The following FMO1 variants were observed in gnomAD, a reference collection of about 807,000 sequenced individuals.
The protein encoded by FMO1 is flavin-containing monooxygenase 1.
A neutral mutation model predicts 45.4 loss-of-function variants in FMO1; 36 were observed. That is an observed-to-expected ratio of 0.79 (90% CI 0.61 to 1.05). The LOEUF is 1.05. Among genes scored for constraint, FMO1 ranks in the 50% least tolerant of loss-of-function variants. The pLI is 0.00. For synonymous variants in FMO1, 228 were observed against 227.2 expected, an observed-to-expected ratio of 1.00 and a Z score of -0.03; for missense variants, 615 against 640.3, an observed-to-expected ratio of 0.96 and a Z score of 0.43.
intron 2 of FMO1, among the ~76,000 whole-genome samples, chr1:171,258,623 C>T (rs979927520): frequency 1.3e-5 from 2 of 152,216 alleles, no homozygotes; most frequent in African/African-American, 4.8e-5. Flanking sequence ...GCTGCTTTTA[C>T]CTGCTTCTTT....
At chr1:171,262,348 C>A (rs1033956851) in intron 2 of FMO1, among the ~76,000 whole-genome samples, 2 of 152,178 alleles carry the variant, frequency 1.3e-5, no homozygotes, top group Admixed American at 6.5e-5. Flanking sequence ...TAAAAGCACA[C>A]AGACATCATC....
chr1:171,284,125 CT>C (rs2101848927), intron 8 of FMO1, among the ~76,000 whole-genome samples: 1 of 148,362 alleles, frequency 6.7e-6, no homozygotes, highest in Non-Finnish European at 1.5e-5. Flanking sequence ...ATCTGTTCAT[CT>C]GTTTCTGCGT....
chr1:171,264,930 T>TCTCAGG (rs1455407272), intron 2 of FMO1, among the ~76,000 whole-genome samples: 1 of 150,598 alleles, frequency 6.6e-6, no homozygotes, highest in African/African-American at 2.4e-5. Context: ...AAATGCACAA[T>TCTCAGG]CTCAGGCTCA....
At position 171,282,345 on chromosome 1, in the gene FMO1, A is replaced by G. The variant is rs375134359; in HGVS notation, c.1183+12A>G. ...TCGAGTCCTGAAAGGTAAGTATAAG[A>G]AATAGCAGGGCATGTGTTTTTGGTG... On this transcript the variant is annotated intron_variant, in intron 7 of 8. Transcript: ENST00000617670. 205 of 1,562,808 alleles carry G rather than the reference A, an allele frequency of 1.3e-4. No individual in the cohort carries two copies. The highest frequency in any genetic ancestry group is 1.7e-4 in the Non-Finnish European group (191 of 1,141,060).
rs1193573986 is a variant in FMO1 at position 171,271,592 on chromosome 1, T to C, written c.322-3754T>C. 5 of 780,034 alleles carry C rather than the reference T, an allele frequency of 6.4e-6. No homozygotes were observed. The Admixed American group carries it at 6.8e-5, about 11-fold the overall frequency. 48.3% of individuals were successfully genotyped at this position (780,034 alleles called of 1,614,324 possible). A position where few individuals can be genotyped will look rare whatever the true frequency, so the allele number is the denominator to read the frequency against. ...TCTTAGAATCTCCTTTGCCAATGTT[T>C]AGTTATTTTTCCCCAGTGAGGCACA... On this transcript the variant is annotated intron_variant, in intron 3 of 8. Coordinates refer to ENST00000617670, the MANE Select transcript of FMO1 (RefSeq NM_001282693.2).
rs572611914 is a variant in FMO1, at chr1:171,279,002, T to A, written c.627+131T>A. 3.3e-4 allele frequency: 237 copies of A among 729,204 alleles called. 1 individual carries two copies. The African/African-American group carries it at 4.1e-3, about 13-fold the overall frequency. The allele number at this position is 729,204 out of a possible 1,614,324, so 45.2% of individuals were successfully genotyped here. On this transcript the variant is annotated intron_variant, in intron 5 of 8. Transcript: ENST00000617670. ...ATGCAAACAACAGATTACTAAGGAA[T>A]TTAATTTTTACTGAATGTTCACAAA...
intron 1 of FMO1, among the ~76,000 whole-genome samples, chr1:171,254,236 A>C (rs890710829): frequency 6.6e-6 from 1 of 152,016 alleles, no homozygotes; most frequent in Admixed American, 6.6e-5. Flanking sequence ...TTACAGGTGC[A>C]CACCACCATG....
chr1:171,283,270 A>AAAAAAAAAAAAAAGG (rs1661459570), intron 8 of FMO1, 54 bp downstream of exon 8: 1 of 320,272 alleles, frequency 3.1e-6, no homozygotes, highest in African/African-American at 1.2e-4. Context: ...ATTGGTAAAA[A>AAAAAAAAAAAAAAGG]AAAAAAAAAA....
At chr1:171,268,011 A>G (rs1251101582) in intron 3 of FMO1, among the ~76,000 whole-genome samples, 12 of 152,210 alleles carry the variant, frequency 7.9e-5, no homozygotes, top group Admixed American at 7.9e-4. Flanking sequence ...CCACATTTTC[A>G]GCTTGGGCCA....
Position 171,280,873 on chromosome 1 carries a change from T to C in FMO1, c.715T>C (p.Phe239Leu). ...ATGGGACATGGTGTTCATGACACGCTTTCAGAACATGTTGAGAAATTCCCT... is the reference window on the plus strand; with the variant it reads ...ATGGGACATGGTGTTCATGACACGCCTTCAGAACATGTTGAGAAATTCCCT... The part of the protein sequence containing the change: ...YPWDMVFMTR[F>L]QNMLRNSLPT... Residue 239 changes from phenylalanine to leucine, a missense_variant, in exon 6 of 9, where the codon TTT becomes CTT. Phe to Leu is a conservative substitution (Grantham distance 22, BLOSUM62 0). Coordinates refer to ENST00000617670, the MANE Select transcript of FMO1 (RefSeq NM_001282693.2). 1 of 1,613,990 alleles carries C rather than the reference T, an allele frequency of 6.2e-7. No homozygotes were observed. The highest frequency in any genetic ancestry group is 1.3e-5 in the African/African-American group (1 of 75,042).
At chr1:171,262,294 G>A (rs547799344) in intron 2 of FMO1, among the ~76,000 whole-genome samples, 1 of 152,256 alleles carries the variant, frequency 6.6e-6, no homozygotes, top group South Asian at 2.1e-4. Flanking sequence ...AATTAGCCAG[G>A]CATGGTGGCG....
intron 3 of FMO1, among the ~76,000 whole-genome samples, chr1:171,275,021 T>A (rs1167411907): frequency 6.6e-6 from 1 of 152,230 alleles, no homozygotes; most frequent in Non-Finnish European, 1.5e-5. Context: ...CTGTGAGAAA[T>A]GAGGTTGCAT....
rs918793740 is a variant in FMO1, at chr1:171,250,928, G to A, written c.-7+2305G>A. On this transcript the variant is annotated intron_variant, in intron 1 of 8. Transcript: ENST00000617670. ...ATGCTGGGGTTCAATCAGGCTGGTGGGAAAAATATTAAAGATAGTTATGGA... is the reference window on the plus strand; with the variant it reads ...ATGCTGGGGTTCAATCAGGCTGGTGAGAAAAATATTAAAGATAGTTATGGA... Among the ~76,000 whole-genome samples, 9 of 152,026 alleles carry A rather than the reference G, an allele frequency of 5.9e-5. 1 individual carries two copies. Among genetic ancestry groups the A allele is most frequent in the Non-Finnish European group, 7.4e-5 (5 of 68,022 alleles).
At chr1:171,270,980 C>A in intron 3 of FMO1, 1 of 891,352 alleles carries the variant, frequency 1.1e-6, no homozygotes, top group Admixed American at 2.1e-5. Flanking sequence ...TCTTCATCTT[C>A]TTCATCTACC....
intron 2 of FMO1, among the ~76,000 whole-genome samples, chr1:171,264,335 T>TATAC (rs529160070): frequency 1.6e-4 from 24 of 147,870 alleles, no homozygotes; most frequent in Non-Finnish European, 2.7e-4. Flanking sequence ...TATATATATA[T>TATAC]ACACACACAC....
At chr1:171,254,579 A>G (rs757893468) in intron 1 of FMO1, among the ~76,000 whole-genome samples, 3 of 152,192 alleles carry the variant, frequency 2.0e-5, no homozygotes, top group Non-Finnish European at 4.4e-5. Context: ...TTATATATAC[A>G]GAAGACTAAT....
chr1:171,254,426 A>G (rs1660057233), intron 1 of FMO1, among the ~76,000 whole-genome samples: 1 of 152,108 alleles, frequency 6.6e-6, no homozygotes, highest in Admixed American at 6.6e-5. Flanking sequence ...ATAGATGATA[A>G]ATGAATTCAT....
At chr1:171,277,552 G>C (rs953683109) in intron 4 of FMO1, among the ~76,000 whole-genome samples, 7 of 152,078 alleles carry the variant, frequency 4.6e-5, no homozygotes, top group Non-Finnish European at 5.9e-5. Context: ...AGTCTGTTAA[G>C]AGACAGCCAC....
intron 2 of FMO1, among the ~76,000 whole-genome samples, chr1:171,265,531 AAAC>A (rs1660584052): frequency 6.6e-6 from 1 of 152,202 alleles, no homozygotes; most frequent in Non-Finnish European, 1.5e-5. Flanking sequence ...AAGTGTCATT[AAAC>A]AACATAGATA....
Sources: gnomAD v4.1 joint callset for allele counts (sites outside exome capture counted in the v4.1 genomes callset) on GRCh38, gnomAD v4.1.1 for gene constraint, MANE v1.5 for transcripts, NCBI Gene and HGNC (gene_info 2026-07-23, HGNC 2026-07-21) for gene names.